The following VRTN variants were observed in gnomAD, a reference collection of about 807,000 sequenced individuals.
VRTN encodes the protein vertebrae development associated.
Under a neutral mutation model 18.2 loss-of-function variants are expected in VRTN, and 5 were observed. The observed-to-expected ratio is 0.27, with a 90% CI of 0.14 to 0.58. VRTN has a LOEUF of 0.58. VRTN is among the 20% of genes least tolerant of loss of function. The pLI is 0.91. For missense variants in VRTN, 741 were observed against 939.4 expected (o/e 0.79, Z 2.76); for synonymous variants, 381 against 393.7 (o/e 0.97, Z 0.38).
At chr14:74,338,660 T>C (rs1012468146) in intron 2 of VRTN, among the ~76,000 whole-genome samples, 1 of 152,192 alleles carries the variant, frequency 6.6e-6, no homozygotes, top group Non-Finnish European at 1.5e-5. Context: ...GCTCTAGTGA[T>C]CCTCCTGCTT....
rs573355029 is a variant in VRTN, at chr14:74,359,342, G to C, written c.*450G>C. ...AGAACGTTATCTTCAGTTTCTTTTG[G>C]GGGTTGGCATCCTCTTTACTCAGTT... is the stretch of plus-strand genomic sequence containing the variant. On this transcript the variant is annotated 3_prime_UTR_variant, in exon 2 of 2. Coordinates refer to ENST00000256362, the MANE Select transcript of VRTN (RefSeq NM_018228.3). 2 of 169,940 alleles carry C rather than the reference G, an allele frequency of 1.2e-5. No homozygotes were observed. Among genetic ancestry groups the C allele is most frequent in the African/African-American group, 4.8e-5 (2 of 41,470 alleles). The allele number at this position is 169,940 out of a possible 1,614,324, so 10.5% of individuals were successfully genotyped here.
At chr14:74,327,544 A>C (rs2085495703) in intron 1 of VRTN, among the ~76,000 whole-genome samples, 1 of 152,020 alleles carries the variant, frequency 6.6e-6, no homozygotes, top group Non-Finnish European at 1.5e-5. Flanking sequence ...GTAGAGCAGG[A>C]CAGGCCAGGA....
chr14:74,315,136 G>A (rs1392214080), intron 1 of VRTN, among the ~76,000 whole-genome samples: 1 of 152,172 alleles, frequency 6.6e-6, no homozygotes, highest in Non-Finnish European at 1.5e-5. Context: ...TCAGTTCAAA[G>A]TATCAGCATG....
chr14:74,332,431 T>C (rs2085534062), intron 1 of VRTN, among the ~76,000 whole-genome samples: 3 of 135,810 alleles, frequency 2.2e-5, no homozygotes, highest in African/African-American at 5.5e-5. Flanking sequence ...CTCGGCTCAC[T>C]GCAACTTCCG....
chr14:74,304,676 C>T (rs1453562827), intron 1 of VRTN, among the ~76,000 whole-genome samples: 1 of 152,096 alleles, frequency 6.6e-6, no homozygotes, highest in Non-Finnish European at 1.5e-5. Flanking sequence ...CCAAATGTCC[C>T]TTAGGGGAGA....
At chr14:74,328,327 G>A (rs148928726) in intron 1 of VRTN, among the ~76,000 whole-genome samples, 139 of 152,256 alleles carry the variant, frequency 9.1e-4, no homozygotes, top group African/African-American at 3.2e-3. Flanking sequence ...TCTGTAGTCC[G>A]TTGAGGGGCT....
chr14:74,327,044 T>C (rs2085492552), intron 1 of VRTN, among the ~76,000 whole-genome samples: 1 of 152,218 alleles, frequency 6.6e-6, no homozygotes, highest in African/African-American at 2.4e-5. Flanking sequence ...GTGGCTGTCC[T>C]GTAGGATTTG....
rs765572698 is a variant in VRTN, at chr14:74,358,638, C to T, written c.1855C>T (p.Pro619Ser). 1 of 1,608,056 alleles carries T rather than the reference C, an allele frequency of 6.2e-7. No individual in the cohort carries two copies. The highest frequency in any genetic ancestry group is 2.2e-5 in the East Asian group (1 of 44,868). ...GGAGGGGGCCACAGCCCAGGGCCAGCCCCACAGTGGGCCCTTGCTGAGCCA... is the reference window on the plus strand; with the variant it reads ...GGAGGGGGCCACAGCCCAGGGCCAGTCCCACAGTGGGCCCTTGCTGAGCCA... ...LQEGATAQGQ[P>S]HSGPLLSQPV... The change falls in exon 2 of 2, where the codon CCC (proline) becomes TCC (serine). Residue 619 changes from proline (P) to serine (S), a missense_variant. By Grantham distance (74) the Pro-to-Ser change is moderately conservative. Transcript: ENST00000256362. This position sits in a 1 kb window ranked among gnomAD's most constrained non-coding sequence, Gnocchi z 5.4.
Position 74,308,872 on chromosome 14 carries a change from T to TGG in VRTN, c.-164+5696_-164+5697insGG, listed in dbSNP as rs1291464011. On this transcript the variant is annotated intron_variant, in intron 1 of 2. Coordinates refer to the VRTN transcript ENST00000557177. ...ATTGCTCCAACTTCTGTTTGTTTTT[T>TGG]TTTTTTTTTTGAGACAGTCTTGCTC... Among the ~76,000 whole-genome samples the TGG allele has an allele frequency of 1.5e-3, 234 of 151,336 alleles. 1 individual carries two copies. Among genetic ancestry groups the TGG allele is most frequent in the Admixed American group, 5.0e-3 (76 of 15,162 alleles).
intron 1 of VRTN, among the ~76,000 whole-genome samples, chr14:74,309,815 C>T (rs1377001506): frequency 6.6e-6 from 1 of 152,164 alleles, no homozygotes; most frequent in African/African-American, 2.4e-5. Context: ...TACTTCCTCA[C>T]TCTTATACAT....
chr14:74,340,376 T>G (rs1416344467), intron 2 of VRTN, among the ~76,000 whole-genome samples: 1 of 151,856 alleles, frequency 6.6e-6, no homozygotes, highest in Non-Finnish European at 1.5e-5. Flanking sequence ...CCTCCCAAAG[T>G]GCTGGGATTA....
chr14:74,318,742 C>A (rs1343794238), intron 1 of VRTN, among the ~76,000 whole-genome samples: 1 of 105,928 alleles, frequency 9.4e-6, no homozygotes, highest in African/African-American at 3.8e-5. Flanking sequence ...TAAATGGAGT[C>A]TTGCTCTGTT....
At chr14:74,335,332 C>A (rs1171645511) in intron 1 of VRTN, among the ~76,000 whole-genome samples, 1 of 152,152 alleles carries the variant, frequency 6.6e-6, no homozygotes, top group Non-Finnish European at 1.5e-5. Flanking sequence ...CATCCAATAA[C>A]CCTCAGTGGG....
At chr14:74,332,516 G>A (rs574390572) in intron 1 of VRTN, among the ~76,000 whole-genome samples, 6 of 151,364 alleles carry the variant, frequency 4.0e-5, no homozygotes, top group Middle Eastern at 3.2e-3. Context: ...CACCTTGCCC[G>A]GCTAATTTTT....
At chr14:74,327,471 C>T (rs1477752186) in intron 1 of VRTN, among the ~76,000 whole-genome samples, 1 of 152,128 alleles carries the variant, frequency 6.6e-6, no homozygotes, top group Admixed American at 6.6e-5. Context: ...CAGGGATGGC[C>T]CCACCCAGGC....
At chr14:74,314,775 G>T (rs1449364910) in intron 1 of VRTN, among the ~76,000 whole-genome samples, 2 of 152,124 alleles carry the variant, frequency 1.3e-5, no homozygotes, top group African/African-American at 2.4e-5. Context: ...AGACAGAAAG[G>T]GAATGATCTA....
At chr14:74,343,630 T>G (rs1207151549), upstream of VRTN, among the ~76,000 whole-genome samples, 2 of 152,188 alleles carry the variant, frequency 1.3e-5, no homozygotes, top group Non-Finnish European at 1.5e-5. Context: ...ATCACGCCCA[T>G]GCATTAAATG....
In VRTN at chr14:74,357,045, G is replaced by A. The variant is rs749387453; in HGVS notation, c.262G>A (p.Glu88Lys). The A allele has an allele frequency of 1.2e-6, 2 of 1,609,018 alleles. No homozygotes were observed. The highest frequency in any genetic ancestry group is 1.3e-5 in the African/African-American group (1 of 74,894). The change falls in exon 2 of 2, where the codon GAG becomes AAG. Residue 88 changes from glutamate (E) to lysine (K), a missense_variant. By Grantham distance (56) the Glu-to-Lys change is moderately conservative (BLOSUM62 1). Coordinates refer to ENST00000256362, the MANE Select transcript of VRTN (RefSeq NM_018228.3). This position sits in a 1 kb window ranked among gnomAD's most constrained non-coding sequence, Gnocchi z 7.8. ...CAAGGGGGAGGGCAGCCTGCTGTTC[G>A]AGGCGGCCAGCATGCTGCTGTGGGG... ...VCKGEGSLLF[E>K]AASMLLWGDA...
intron 1 of VRTN, among the ~76,000 whole-genome samples, chr14:74,351,249 A>AGTGCT (rs1397990178): frequency 6.6e-6 from 1 of 152,206 alleles, no homozygotes; most frequent in African/African-American, 2.4e-5. Context: ...TATAATGTTA[A>AGTGCT]GTGCTGTCTT....
Sources: gnomAD v4.1 joint callset for allele counts (sites outside exome capture counted in the v4.1 genomes callset) on GRCh38, gnomAD v4.1.1 for gene constraint, Gnocchi (gnomAD v3.1) non-coding constraint, MANE v1.5 for transcripts, NCBI Gene and HGNC (gene_info 2026-07-23, HGNC 2026-07-21) for gene names.